TTC21B: variants seen among roughly 807,000 people sequenced by gnomAD.
TTC21B encodes tetratricopeptide repeat domain 21B.
A neutral mutation model predicts 175.1 loss-of-function variants in TTC21B; 127 were observed. The ratio of observed to expected loss-of-function variants is 0.73; its 90% CI spans 0.63 to 0.84. The LOEUF (loss-of-function observed/expected upper bound fraction) is 0.84. Ranked by LOEUF, TTC21B falls within the 40% of genes least tolerant of loss-of-function variation. The pLI is 0.00. For missense variants in TTC21B, 1,561 were observed against 1,558.3 expected, an observed-to-expected ratio of 1.00 and a Z score of -0.03; for synonymous variants, 524 against 524.5, an observed-to-expected ratio of 1.00 and a Z score of 0.01.
intron 6 of TTC21B, among the ~76,000 whole-genome samples, chr2:165,936,184 C>A (rs537251699): frequency 2.6e-5 from 4 of 152,058 alleles, no homozygotes; most frequent in Non-Finnish European, 5.9e-5. Context: ...TGATCTTTGA[C>A]AAAAGAGCAA....
At chr2:165,922,197 G>A (rs1686435853) in intron 12 of TTC21B, among the ~76,000 whole-genome samples, 1 of 152,060 alleles carries the variant, frequency 6.6e-6, no homozygotes, top group Admixed American at 6.6e-5. Flanking sequence ...CTTCCAATTA[G>A]GAGAAAAGCT....
intron 6 of TTC21B, among the ~76,000 whole-genome samples, chr2:165,935,544 A>G (rs894616772): frequency 6.6e-6 from 1 of 152,212 alleles, no homozygotes; most frequent in Admixed American, 6.5e-5. Flanking sequence ...AGATGACATG[A>G]ACATCTATGT....
chr2:165,901,898 G>GT lies in TTC21B; in HGVS notation c.2580dup (p.Gln861ThrfsTer25). On this transcript the variant is annotated frameshift_variant, in exon 20 of 29. Transcript: ENST00000243344. LOFTEE classifies it high-confidence loss of function. ...TGAACACGTTTTAGTACCCGAGCTT[G>GT]TAATTCTCGAGCCTAGAAAAAATCA... 1 of 1,612,344 alleles carries GT rather than the reference G, an allele frequency of 6.2e-7. No homozygotes were observed. The highest frequency in any genetic ancestry group is 8.5e-7 in the Non-Finnish European group (1 of 1,179,146).
intron 11 of TTC21B, among the ~76,000 whole-genome samples, chr2:165,925,519 G>A (rs1686595614): frequency 6.6e-6 from 1 of 151,960 alleles, no homozygotes; most frequent in African/African-American, 2.4e-5. Context: ...CTCTTCAATT[G>A]GACTGTGCCT....
At position 165,932,954 on chromosome 2, in the gene TTC21B, A is replaced by C. The variant is rs753196675; in HGVS notation, c.795+19T>G. 1.2e-6 allele frequency: 2 copies of C among 1,603,338 alleles called. No individual in the cohort carries two copies. The highest frequency in any genetic ancestry group is 2.2e-5 in the South Asian group (2 of 90,648). ...ATATTTTTTAATATAGGAAACTTAA[A>C]TAATACAATGCCACTTACCTTCTCT... On this transcript the variant is annotated intron_variant, in intron 7 of 28. Coordinates refer to ENST00000243344, the MANE Select transcript of TTC21B (RefSeq NM_024753.5).
At position 165,888,209 on chromosome 2, in the gene TTC21B, A is replaced by G. The variant is rs922100598; in HGVS notation, c.3459+70T>C. The G allele has an allele frequency of 4.9e-6, 6 of 1,232,610 alleles. No homozygotes were observed. The African/African-American group carries it at 7.6e-5, about 16-fold the overall frequency. 76.4% of individuals were successfully genotyped at this position (1,232,610 alleles called of 1,614,324 possible). On this transcript the variant is annotated intron_variant, in intron 25 of 28. Coordinates refer to ENST00000243344, the MANE Select transcript of TTC21B (RefSeq NM_024753.5). ...GTCAATCTTCAGAAAATAAACAACT[A>G]ATCAAAATATATGTTTCTATACTAC... is the stretch of plus-strand genomic sequence containing the variant.
intron 4 of TTC21B, among the ~76,000 whole-genome samples, chr2:165,944,649 A>G (rs1687486867): frequency 6.6e-6 from 1 of 152,166 alleles, no homozygotes; most frequent in East Asian, 1.9e-4. Context: ...ATAGCCTCTC[A>G]ATGCATGTCA....
At chr2:165,953,618 G>A (rs967455317) in intron 1 of TTC21B, 67 bp downstream of exon 1, 35 of 1,523,782 alleles carry the variant, frequency 2.3e-5, no homozygotes, top group South Asian at 3.6e-5. Context: ...CGCGCCCCCG[G>A]GCCAAAAGGC....
At chr2:165,901,380 G>A (rs564297582) in intron 20 of TTC21B, among the ~76,000 whole-genome samples, 193 of 151,982 alleles carry the variant, frequency 1.3e-3, no homozygotes, top group African/African-American at 4.0e-3. Context: ...GTGCAGTGGC[G>A]CGATCTTGGG....
chr2:165,917,604 G>T, intron 13 of TTC21B, 123 bp from the exon 14 acceptor site: 7 of 800,768 alleles, frequency 8.7e-6, no homozygotes, highest in Non-Finnish European at 1.5e-5. Context: ...TATGCATGAG[G>T]TCTATCTCTG....
At chr2:165,887,655 C>A (rs900751928) in intron 25 of TTC21B, among the ~76,000 whole-genome samples, 3 of 151,754 alleles carry the variant, frequency 2.0e-5, no homozygotes, top group African/African-American at 7.3e-5. Context: ...CCATTGCACT[C>A]CAGCCTGGGC....
chr2:165,953,560 G>A (rs923268809), intron 1 of TTC21B, 125 bp downstream of exon 1: 3 of 1,470,834 alleles, frequency 2.0e-6, no homozygotes, highest in Non-Finnish European at 2.8e-6. Flanking sequence ...CGAGCAGCCG[G>A]GGCACCGCAG....
chr2:165,926,584 A>T (rs889968951), intron 11 of TTC21B, among the ~76,000 whole-genome samples: 1 of 152,120 alleles, frequency 6.6e-6, no homozygotes, highest in African/African-American at 2.4e-5. Context: ...GTGATGGTTA[A>T]TACTGTCAAC....
At chr2:165,928,879 C>T (rs1054219963) in intron 11 of TTC21B, 25 of 436,094 alleles carry the variant, frequency 5.7e-5, no homozygotes, top group Non-Finnish European at 1.0e-4. Flanking sequence ...GAATTAGATG[C>T]CTTTTAATAT....
At chr2:165,943,148 G>A in intron 5 of TTC21B, 71 bp downstream of exon 5, 5 of 1,531,720 alleles carry the variant, frequency 3.3e-6, no homozygotes, top group Non-Finnish European at 4.5e-6. Context: ...GAGCTACTTG[G>A]TTTTGTCAGG....
chr2:165,888,796 T>C (rs1685092212), intron 24 of TTC21B, among the ~76,000 whole-genome samples: 2 of 152,262 alleles, frequency 1.3e-5, no homozygotes, highest in East Asian at 3.9e-4. Context: ...AAACTATAAG[T>C]AGAATCAGAA....
intron 1 of TTC21B, 42 bp downstream of exon 1, chr2:165,953,643 G>GGGGGGGCC: frequency 7.3e-7 from 1 of 1,372,590 alleles, no homozygotes; most frequent in Non-Finnish European, 9.6e-7. Context: ...AAGGAACTCC[G>GGGGGGGCC]CCCGCCCGCC....
Position 165,883,944 on chromosome 2 carries a change from G to C in TTC21B, c.3534C>G (p.Asn1178Lys). Residue 1178 changes from asparagine to lysine, a missense_variant, in exon 26 of 29, where the codon AAC becomes AAG. Transcript: ENST00000243344. ...MILKQTPRAR[N>K]QLKRIAKMNW... The stretch of plus-strand genomic sequence containing the variant: ...TCATTTTCGCAATACGCTTCAGCTG[G>C]TTTCTGGCTCGTGGAGTCTGTTTCA... The C allele has an allele frequency of 6.2e-7, 1 of 1,614,056 alleles. No homozygotes were observed. Among genetic ancestry groups the C allele is most frequent in the South Asian group, 1.1e-5 (1 of 91,078 alleles).
At chr2:165,877,175 TA>T (rs371997103) in intron 27 of TTC21B, among the ~76,000 whole-genome samples, 3 of 152,114 alleles carry the variant, frequency 2.0e-5, no homozygotes, top group Admixed American at 1.3e-4. Context: ...TAATGTGTAA[TA>T]AAAAATATCT....
Sources: gnomAD v4.1 joint callset for allele counts (sites outside exome capture counted in the v4.1 genomes callset) on GRCh38, gnomAD v4.1.1 for gene constraint, MANE v1.5 for transcripts, NCBI Gene and HGNC (gene_info 2026-07-23, HGNC 2026-07-21) for gene names.